The following CCSER1 variants were observed in gnomAD, a reference collection of about 807,000 sequenced individuals.
CCSER1 encodes the protein serine-rich coiled-coil domain-containing protein 1.
CCSER1 carries 41 observed loss-of-function variants against 82.0 expected under a neutral mutation model. The ratio of observed to expected loss-of-function variants is 0.50; its 90% CI spans 0.39 to 0.65. The LOEUF is 0.65. CCSER1 is among the 30% of genes least tolerant of loss of function. The probability of loss-of-function intolerance (pLI) is 0.00; values close to 1 mark genes in which losing one functional copy is unlikely to be tolerated. For missense variants in CCSER1, 1,119 were observed against 1,064.2 expected (o/e 1.05, Z -0.72); for synonymous variants, 414 against 383.9 (o/e 1.08, Z -0.92).
intron 6 of CCSER1, among the ~76,000 whole-genome samples, chr4:90,660,568 G>T (rs1219790622): frequency 6.6e-6 from 1 of 152,010 alleles, no homozygotes; most frequent in Admixed American, 6.6e-5. Context: ...TAAAAGCTGT[G>T]TAAGCCATAA....
chr4:90,382,865 T>C (rs769713754), intron 3 of CCSER1, among the ~76,000 whole-genome samples: 15 of 138,168 alleles, frequency 1.1e-4, no homozygotes, highest in Non-Finnish European at 2.2e-4. Flanking sequence ...AGAGTGTTCT[T>C]ATTCAACTAT....
At chr4:90,606,321 A>G (rs1307908390) in intron 5 of CCSER1, among the ~76,000 whole-genome samples, 1 of 152,202 alleles carries the variant, frequency 6.6e-6, no homozygotes, top group Non-Finnish European at 1.5e-5. Flanking sequence ...TAGATGATAT[A>G]GACTACTACA....
intron 10 of CCSER1, among the ~76,000 whole-genome samples, chr4:91,338,013 TTCTCTTCTTA>T (rs1747439275): frequency 6.6e-6 from 1 of 152,166 alleles, no homozygotes; most frequent in Admixed American, 6.6e-5. Context: ...GCCTTTGTCC[TTCTCTTCTTA>T]TAAAATCCCT....
intron 5 of CCSER1, among the ~76,000 whole-genome samples, chr4:90,620,780 A>T (rs1722168362): frequency 6.6e-6 from 1 of 152,152 alleles, no homozygotes. Flanking sequence ...TTGGTTAGTT[A>T]CAAGAAACAA....
intron 9 of CCSER1, among the ~76,000 whole-genome samples, chr4:91,010,135 C>T (rs1373438219): frequency 6.6e-6 from 1 of 151,900 alleles, no homozygotes; most frequent in Non-Finnish European, 1.5e-5. Flanking sequence ...ACTATTTCTC[C>T]TTCATTTCTT....
chr4:90,326,436 T>C (rs1393975744), intron 3 of CCSER1, among the ~76,000 whole-genome samples: 1 of 152,066 alleles, frequency 6.6e-6, no homozygotes, highest in Non-Finnish European at 1.5e-5. Flanking sequence ...ATCTCATTCA[T>C]TGATTATTTT....
intron 1 of CCSER1, among the ~76,000 whole-genome samples, chr4:90,288,640 G>A (rs1730352412): frequency 6.6e-6 from 1 of 151,888 alleles, no homozygotes; most frequent in Non-Finnish European, 1.5e-5. Context: ...TATTCAGACT[G>A]TAGTATAATA....
intron 10 of CCSER1, among the ~76,000 whole-genome samples, chr4:91,330,941 T>C (rs6833290): frequency 0.76 from 115,525 of 152,132 alleles, 44,221 homozygotes; most frequent in East Asian, 0.89. Context: ...TGTCTGGCTT[T>C]GTTCAGCCTG....
intron 10 of CCSER1, among the ~76,000 whole-genome samples, chr4:91,141,445 C>A (rs777556054): frequency 9.2e-5 from 14 of 152,170 alleles, no homozygotes; most frequent in Non-Finnish European, 2.1e-4. Context: ...AACCACCATG[C>A]CTGGCCCAAT....
chr4:90,845,885 T>C (rs1411460011), intron 8 of CCSER1, among the ~76,000 whole-genome samples: 1 of 152,126 alleles, frequency 6.6e-6, no homozygotes, highest in Non-Finnish European at 1.5e-5. Context: ...TTGTAACTTA[T>C]TTTCTCATTC....
rs559886349 is a variant in CCSER1 at position 91,249,339 on chromosome 4, G to A, written c.2217+163345G>A. ...CCAATAGTTTAAGTTTACTTACTAAGAAGGGCTACGAGAGATGTGACTACA... is the reference window on the plus strand; with the variant it reads ...CCAATAGTTTAAGTTTACTTACTAAAAAGGGCTACGAGAGATGTGACTACA... On this transcript the variant is annotated intron_variant, in intron 10 of 10. Coordinates refer to ENST00000509176, the MANE Select transcript of CCSER1 (RefSeq NM_001145065.2). Among the ~76,000 whole-genome samples the A allele has an allele frequency of 3.3e-5, 5 of 152,206 alleles. 1 individual carries two copies. The South Asian group carries it at 1.0e-3, about 32-fold the overall frequency.
chr4:91,164,419 C>T (rs1360342217), intron 10 of CCSER1, among the ~76,000 whole-genome samples: 2 of 152,014 alleles, frequency 1.3e-5, no homozygotes, highest in Admixed American at 1.3e-4. Flanking sequence ...TGGGGTTGCT[C>T]TTCTTGAGGA....
chr4:91,325,174 T>C, intron 10 of CCSER1: 1 of 456,182 alleles, frequency 2.2e-6, no homozygotes, highest in Non-Finnish European at 4.4e-6. Flanking sequence ...TCTGTCTTCT[T>C]GTTTCACCAG....
At chr4:91,023,389 C>T (rs1158703278) in intron 9 of CCSER1, among the ~76,000 whole-genome samples, 2 of 152,160 alleles carry the variant, frequency 1.3e-5, no homozygotes, top group Non-Finnish European at 2.9e-5. Context: ...AGACATCACG[C>T]TACCTGACTT....
rs1729516380 is a variant in CCSER1, at chr4:90,929,910, GA to G, written c.2172+6464del. Among the ~76,000 whole-genome samples the G allele has an allele frequency of 3.3e-5, 5 of 152,230 alleles. No homozygotes were observed. In the South Asian group the frequency reaches 8.3e-4, roughly 25 times the overall value. On this transcript the variant is annotated intron_variant, in intron 9 of 10. Coordinates refer to ENST00000509176, the MANE Select transcript of CCSER1 (RefSeq NM_001145065.2). ...AAAAAAGATAAGTAATGGGATGGTT[GA>G]TGTGTTAATTTGTTTGATTTAATCA...
chr4:91,006,694 T>C (rs1284332054), intron 9 of CCSER1, among the ~76,000 whole-genome samples: 2 of 152,066 alleles, frequency 1.3e-5, no homozygotes, highest in East Asian at 1.9e-4. Context: ...GGTTTCATCA[T>C]GTTAGCCAGG....
rs570776953 is a variant in CCSER1 at position 91,499,599 on chromosome 4, G to A, written c.2218-98973G>A. Among the ~76,000 whole-genome samples, 38 of 151,926 alleles carry A rather than the reference G, an allele frequency of 2.5e-4. No individual in the cohort carries two copies. In the South Asian group the frequency reaches 7.5e-3, roughly 30 times the overall value. Reference sequence around the variant, plus strand: ...TTAATATCATACAGAATAGGTTTACGCTCTAAGAGTCCTCTGTGGTCTGCC... The same window carrying A: ...TTAATATCATACAGAATAGGTTTACACTCTAAGAGTCCTCTGTGGTCTGCC... On this transcript the variant is annotated intron_variant, in intron 10 of 10. Coordinates refer to ENST00000509176, the MANE Select transcript of CCSER1 (RefSeq NM_001145065.2).
intron 6 of CCSER1, among the ~76,000 whole-genome samples, chr4:90,666,542 C>T (rs1579823518): frequency 6.6e-6 from 1 of 152,118 alleles, no homozygotes; most frequent in Non-Finnish European, 1.5e-5. Flanking sequence ...TTAGTAGACA[C>T]AGGATGAGTA....
intron 8 of CCSER1, among the ~76,000 whole-genome samples, chr4:90,851,352 G>T (rs770988497): frequency 2.3e-4 from 35 of 151,180 alleles, no homozygotes; most frequent in Non-Finnish European, 4.6e-4. Flanking sequence ...TGCCTTAATT[G>T]TGAACACAGA....
Sources: gnomAD v4.1 joint callset for allele counts (sites outside exome capture counted in the v4.1 genomes callset) on GRCh38, gnomAD v4.1.1 for gene constraint, MANE v1.5 for transcripts, NCBI Gene and HGNC (gene_info 2026-07-23, HGNC 2026-07-21) for gene names.